The following MRS2 variants were observed in gnomAD, a reference collection of about 807,000 sequenced individuals.
The protein encoded by MRS2 is magnesium transporter MRS2, also known as magnesium transporter MRS2 homolog, mitochondrial.
In MRS2, 40 loss-of-function variants were observed where a neutral mutation model predicts 52.6. That is an observed-to-expected ratio of 0.76 (90% CI 0.59 to 0.99). The LOEUF is 0.99. MRS2 is among the 50% of genes least tolerant of loss of function. The pLI, the probability that MRS2 is intolerant of heterozygous loss-of-function variation, is 0.00. For missense variants in MRS2, 472 were observed against 532.7 expected (o/e 0.89, Z 1.12); for synonymous variants, 193 against 195.9 (o/e 0.98, Z 0.13).
intron 4 of MRS2, 62 bp downstream of exon 4, chr6:24,409,635 CTATCT>C: frequency 9.6e-7 from 1 of 1,039,586 alleles, no homozygotes; most frequent in East Asian, 2.5e-5. Context: ...TACCTTCTAA[CTATCT>C]TGATTAGTAT....
In MRS2 at chr6:24,406,005, T is replaced by C. The variant is rs190532215; in HGVS notation, c.264+764T>C. ...CTGTAGTCCCAGCTACTTGGGAGGC[T>C]GAGGCAGGAGAATGGCATGAACCCA... On this transcript the variant is annotated intron_variant, in intron 2 of 10. Coordinates refer to ENST00000378386, the MANE Select transcript of MRS2 (RefSeq NM_020662.4). Among the ~76,000 whole-genome samples, 692 of 149,986 alleles carry C rather than the reference T, an allele frequency of 4.6e-3. 17 individuals carry two copies. Among genetic ancestry groups the C allele is most frequent in the Admixed American group, 0.04 (587 of 14,860 alleles).
chr6:24,412,408 T>C lies in MRS2; in HGVS notation c.588+13T>C, dbSNP rs1282826768. On this transcript the variant is annotated intron_variant, in intron 5 of 10. Transcript: ENST00000378386. ...CCTGCAATATTGGGTAAGTCTGTTT[T>C]TATTTAGCTTCTTGGGTTTATTCTG... 2.0e-6 allele frequency: 3 copies of C among 1,515,056 alleles called. No homozygotes were observed. The highest frequency in any genetic ancestry group is 2.7e-6 in the Non-Finnish European group (3 of 1,130,224). The allele number at this position is 1,515,056 out of a possible 1,614,324, so 93.9% of individuals were successfully genotyped here.
In MRS2 at chr6:24,418,485, G is replaced by T; in HGVS notation, c.1014G>T (p.Leu338Phe). ...LDSHRNVMMRLNLQLTMGTFS... is the reference protein window; with the variant it reads ...LDSHRNVMMRFNLQLTMGTFS... Reference sequence around the variant, plus strand: ...GCCACCGAAACGTGATGATGAGGTTGAATCTACAGCTGACCATGGGAACCT... The same window carrying T: ...GCCACCGAAACGTGATGATGAGGTTTAATCTACAGCTGACCATGGGAACCT... The change falls in exon 9 of 11, where the codon TTG (leucine) becomes TTT (phenylalanine). Residue 338 changes from leucine (L) to phenylalanine (F), a missense_variant. Physicochemically the swap from Leu to Phe is conservative, Grantham distance 22 (BLOSUM62 0). Transcript: ENST00000378386. The T allele has an allele frequency of 6.2e-7, 1 of 1,614,124 alleles. No individual in the cohort carries two copies.
chr6:24,417,692 C>G (rs1761895833), intron 7 of MRS2, among the ~76,000 whole-genome samples: 1 of 152,106 alleles, frequency 6.6e-6, no homozygotes, highest in Admixed American at 6.5e-5. Flanking sequence ...GCCTGTAATC[C>G]CAGCACTTTG....
At chr6:24,420,704 T>C (rs1762016253) in intron 9 of MRS2, among the ~76,000 whole-genome samples, 1 of 152,124 alleles carries the variant, frequency 6.6e-6, no homozygotes, top group South Asian at 2.1e-4. Context: ...AAGGAAGATG[T>C]AAGGCGGTAA....
chr6:24,415,028 T>C lies in MRS2; in HGVS notation c.589-5T>C, dbSNP rs368624909. 5 of 1,595,276 alleles carry C rather than the reference T, an allele frequency of 3.1e-6. No individual in the cohort carries two copies. In the African/African-American group the frequency reaches 4.0e-5, roughly 13 times the overall value. Reference sequence around the variant, plus strand: ...ATTCTTATGAAAGGTCATGTTGTTATCTAGATCAACACCCTTCAGGGGAAA... The same window carrying C: ...ATTCTTATGAAAGGTCATGTTGTTACCTAGATCAACACCCTTCAGGGGAAA... On this transcript the variant is annotated splice_region_variant and splice_polypyrimidine_tract_variant and intron_variant, in intron 5 of 10. Coordinates refer to ENST00000378386, the MANE Select transcript of MRS2 (RefSeq NM_020662.4).
At chr6:24,410,664 ATAAG>A in intron 4 of MRS2, 3 of 1,273,062 alleles carry the variant, frequency 2.4e-6, no homozygotes, top group Non-Finnish European at 3.2e-6. Context: ...CTAAAAATAA[ATAAG>A]TAAATAAAAA....
At chr6:24,406,560 G>A (rs1761482840) in intron 2 of MRS2, among the ~76,000 whole-genome samples, 1 of 152,100 alleles carries the variant, frequency 6.6e-6, no homozygotes, top group Admixed American at 6.5e-5. Context: ...TATCATTTGA[G>A]GTCAGGAGTT....
rs766643759 is a variant in MRS2 at position 24,423,065 on chromosome 6, GT to G, written c.1221+17del. ...TGCCTCCTATGGTATGAAGGATATG[GT>G]TCACGGCGGTATTGTGGAAGGGTTA... is the stretch of plus-strand genomic sequence containing the variant. On this transcript the variant is annotated intron_variant, in intron 10 of 10. Coordinates refer to ENST00000378386, the MANE Select transcript of MRS2 (RefSeq NM_020662.4). The G allele has an allele frequency of 8.1e-6, 13 of 1,595,144 alleles. No individual in the cohort carries two copies. The highest frequency in any genetic ancestry group is 1.0e-5 in the Non-Finnish European group (12 of 1,163,970).
chr6:24,422,868 G>A lies in MRS2; in HGVS notation c.1108-69G>A, dbSNP rs1762094584. 8 of 1,057,928 alleles carry A rather than the reference G, an allele frequency of 7.6e-6. No individual in the cohort carries two copies. In the South Asian group the frequency reaches 1.1e-4, roughly 15 times the overall value. 65.5% of individuals were successfully genotyped at this position (1,057,928 alleles called of 1,614,324 possible). ...CATAAGGCTTTCAAACTCTGGGGCAGTAACAATTCAAGGAATCTTCTAAGG... is the reference window on the plus strand; with the variant it reads ...CATAAGGCTTTCAAACTCTGGGGCAATAACAATTCAAGGAATCTTCTAAGG... On this transcript the variant is annotated intron_variant, in intron 9 of 10. Transcript: ENST00000378386.
At position 24,403,227 on chromosome 6, in the gene MRS2, C is replaced by T. The variant is rs11695; in HGVS notation, c.181C>T (p.Arg61Cys). The stretch of plus-strand genomic sequence containing the variant: ...GCAGCTTTGCGGGCCCGACCGGCTC[C>T]GCGTGGCAGGTACTGCCCTTCCCCG... ...AAQLCGPDRL[R>C]VAGEVHRFRT... Residue 61 changes from arginine (R) to cysteine (C), a missense_variant, in exon 1 of 11, where the codon CGC becomes TGC. By Grantham distance (180) the Arg-to-Cys change is radical. Coordinates refer to ENST00000378386, the MANE Select transcript of MRS2 (RefSeq NM_020662.4). The T allele has an allele frequency of 0.14, 229,365 of 1,595,136 alleles. 17,865 individuals carry two copies. Among genetic ancestry groups the T allele is most frequent in the Middle Eastern group, 0.17 (885 of 5,348 alleles).
chr6:24,413,433 G>C (rs1325595119), intron 5 of MRS2, among the ~76,000 whole-genome samples: 6 of 152,104 alleles, frequency 3.9e-5, no homozygotes, highest in South Asian at 2.1e-4. Flanking sequence ...CCTCTCAAAA[G>C]GGATAAGTTT....
At chr6:24,408,514 G>C in intron 3 of MRS2, 70 bp downstream of exon 3, 1 of 1,111,444 alleles carries the variant, frequency 9.0e-7, no homozygotes, top group Non-Finnish European at 1.4e-6. Context: ...TCAAGAAATT[G>C]TAGTATTTTG....
intron 4 of MRS2, among the ~76,000 whole-genome samples, chr6:24,411,151 C>A (rs1761635566): frequency 6.6e-6 from 1 of 150,614 alleles, no homozygotes; most frequent in African/African-American, 2.4e-5. Context: ...GATTGCCCCA[C>A]TGCACTCCAG....
At chr6:24,423,497 T>C (rs1298578192) in intron 10 of MRS2, 87 bp from the exon 11 acceptor site, 6 of 662,736 alleles carry the variant, frequency 9.1e-6, no homozygotes, top group Admixed American at 8.6e-5. Context: ...TAGTCCTTTC[T>C]TCACTGAGTA....
Position 24,409,486 on chromosome 6 carries a change from A to G in MRS2, c.327A>G (p.Gln109=), listed in dbSNP as rs1253318308. Residue 109 remains glutamine, a synonymous_variant, in exon 4 of 11, where the codon CAA becomes CAG. Transcript: ENST00000378386. The stretch of plus-strand genomic sequence containing the variant: ...AAAGGAAGAAAACTGAATTATACCA[A>G]GAGTTAGGTCTTCAAGCCAGAGATT... The part of the protein sequence containing the change: ...SFERKKTELY[Q]ELGLQARDLR... 6.2e-7 allele frequency: 1 copy of G among 1,609,160 alleles called. No homozygotes were observed. The highest frequency in any genetic ancestry group is 8.5e-7 in the Non-Finnish European group (1 of 1,176,878).
Sources: gnomAD v4.1 joint callset for allele counts (sites outside exome capture counted in the v4.1 genomes callset) on GRCh38, gnomAD v4.1.1 for gene constraint, MANE v1.5 for transcripts, NCBI Gene and HGNC (gene_info 2026-07-23, HGNC 2026-07-21) for gene names.